The following KIAA1217 variants were observed in gnomAD, a reference collection of about 807,000 sequenced individuals.
KIAA1217 encodes sickle tail protein homolog.
KIAA1217 carries 88 observed loss-of-function variants against 163.9 expected under a neutral mutation model. The ratio of observed to expected loss-of-function variants is 0.54; its 90% CI spans 0.45 to 0.64. The LOEUF (loss-of-function observed/expected upper bound fraction) is 0.64, where lower values mean the gene tolerates loss of function less well. KIAA1217 is among the 30% of genes least tolerant of loss of function. The probability of loss-of-function intolerance (pLI) is 0.00; values close to 1 mark genes in which losing one functional copy is unlikely to be tolerated. For synonymous variants in KIAA1217, 903 were observed against 923.1 expected (o/e 0.98, Z 0.39); for missense variants, 2,372 against 2,475.0 (o/e 0.96, Z 0.88).
intron 2 of KIAA1217, among the ~76,000 whole-genome samples, chr10:24,151,950 A>G (rs1423265816): frequency 6.6e-6 from 1 of 152,056 alleles, no homozygotes; most frequent in Non-Finnish European, 1.5e-5. Flanking sequence ...CTTCCCAACC[A>G]TTTAAGTTTC....
intron 1 of KIAA1217, among the ~76,000 whole-genome samples, chr10:24,006,306 A>G (rs1014367323): frequency 2.0e-5 from 3 of 152,220 alleles, no homozygotes; most frequent in African/African-American, 7.2e-5. Flanking sequence ...TGTGTTTCTG[A>G]CATAAGTGTG....
At chr10:24,215,005 C>T (rs1408205064) in intron 1 of KIAA1217, among the ~76,000 whole-genome samples, 1 of 152,232 alleles carries the variant, frequency 6.6e-6, no homozygotes, top group Non-Finnish European at 1.5e-5. Context: ...GCCTGCCGGA[C>T]TTGCAGTGCG....
chr10:24,438,477 A>T lies in KIAA1217; in HGVS notation c.844A>T (p.Arg282Trp), dbSNP rs1438352565. 1 of 1,601,030 alleles carries T rather than the reference A, an allele frequency of 6.2e-7. No individual in the cohort carries two copies. Among genetic ancestry groups the T allele is most frequent in the Admixed American group, 1.7e-5 (1 of 60,010 alleles). ...HTPKTMNGDM[R>W]MQRELVYARG... ...ACCAAAAACTATGAATGGAGACATG[A>T]GGGTAAGTGTTTCTGTCATATTTTT... Residue 282 changes from arginine (R) to tryptophan (W), a missense_variant and splice_region_variant, in exon 5 of 21, where the codon AGG becomes TGG. Transcript: ENST00000376454.
chr10:24,063,777 G>A (rs1487241762), intron 2 of KIAA1217, among the ~76,000 whole-genome samples: 1 of 152,152 alleles, frequency 6.6e-6, no homozygotes, highest in Admixed American at 6.5e-5. Flanking sequence ...CTATGAACAT[G>A]GAATGTTCTT....
intron 2 of KIAA1217, among the ~76,000 whole-genome samples, chr10:24,081,057 G>A (rs1771711145): frequency 6.6e-6 from 1 of 152,272 alleles, no homozygotes. Context: ...AGAGTCTGAT[G>A]GAATGATTGT....
chr10:24,247,241 G>T (rs1274824559), intron 2 of KIAA1217, among the ~76,000 whole-genome samples: 1 of 150,008 alleles, frequency 6.7e-6, no homozygotes, highest in Non-Finnish European at 1.5e-5. Context: ...ATGGGGCTTT[G>T]TTGTACAGAT....
intron 2 of KIAA1217, among the ~76,000 whole-genome samples, chr10:24,358,193 A>G (rs2049376449): frequency 6.6e-6 from 1 of 152,152 alleles, no homozygotes; most frequent in African/African-American, 2.4e-5. Flanking sequence ...GAGACAGATA[A>G]GAAGTGAGCA....
intron 1 of KIAA1217, among the ~76,000 whole-genome samples, chr10:23,913,711 G>GA (rs1434174981): frequency 6.6e-6 from 1 of 152,050 alleles, no homozygotes; most frequent in African/African-American, 2.4e-5. Flanking sequence ...CCCTAAGAGA[G>GA]AAAAAACATC....
intron 3 of KIAA1217, among the ~76,000 whole-genome samples, chr10:24,432,646 G>GA (rs2059696989): frequency 6.6e-6 from 1 of 151,754 alleles, no homozygotes; most frequent in African/African-American, 2.4e-5. Context: ...AAAGAGATGG[G>GA]ATCTTGCTAC....
At chr10:23,895,192 G>A (rs1205789591) in intron 1 of KIAA1217, among the ~76,000 whole-genome samples, 1 of 152,076 alleles carries the variant, frequency 6.6e-6, no homozygotes, top group Non-Finnish European at 1.5e-5. Context: ...ACTACCATCA[G>A]AGTGAACAGG....
intron 1 of KIAA1217, among the ~76,000 whole-genome samples, chr10:23,790,818 C>G (rs183928881): frequency 6.6e-6 from 1 of 151,736 alleles, no homozygotes; most frequent in African/African-American, 2.4e-5. Flanking sequence ...ATTGCAACAT[C>G]GACCTCCTGG....
chr10:24,054,114 G>A (rs185578003), intron 2 of KIAA1217, among the ~76,000 whole-genome samples: 132 of 152,322 alleles, frequency 8.7e-4, no homozygotes, highest in African/African-American at 2.9e-3. Flanking sequence ...GTGGTTCCAC[G>A]GGGTTTAACT....
At chr10:23,884,484 T>C (rs1223686894) in intron 1 of KIAA1217, among the ~76,000 whole-genome samples, 1 of 151,976 alleles carries the variant, frequency 6.6e-6, no homozygotes, top group East Asian at 1.9e-4. Flanking sequence ...AGTCTAACGA[T>C]TGCTGACATG....
chr10:24,479,137 A>G (rs1424602675), intron 6 of KIAA1217, among the ~76,000 whole-genome samples: 1 of 152,220 alleles, frequency 6.6e-6, no homozygotes, highest in Non-Finnish European at 1.5e-5. Flanking sequence ...GGCATGGTAG[A>G]CTTAGCAGAA....
intron 8 of KIAA1217, among the ~76,000 whole-genome samples, chr10:24,500,853 C>T (rs2067482362): frequency 1.3e-5 from 2 of 152,100 alleles, no homozygotes; most frequent in Admixed American, 6.6e-5. Flanking sequence ...GAGGCAGAGG[C>T]AGGAGGATAG....
intron 1 of KIAA1217, among the ~76,000 whole-genome samples, chr10:23,984,147 C>T (rs1021429734): frequency 1.3e-5 from 2 of 152,178 alleles, no homozygotes; most frequent in African/African-American, 4.8e-5. Flanking sequence ...GCAGCTCCCA[C>T]CACACTGTTC....
intron 2 of KIAA1217, among the ~76,000 whole-genome samples, chr10:24,336,476 A>G (rs7094782): frequency 0.058 from 8,842 of 152,238 alleles, 277 homozygotes; most frequent in East Asian, 0.091. Context: ...AATGTGTGCA[A>G]ACTCCTCATC....
intron 9 of KIAA1217, among the ~76,000 whole-genome samples, chr10:24,512,408 T>C (rs1469783603): frequency 6.6e-6 from 1 of 152,198 alleles, no homozygotes; most frequent in East Asian, 1.9e-4. Context: ...ATGGAGCTGC[T>C]GTTAGAAAAT....
intron 1 of KIAA1217, among the ~76,000 whole-genome samples, chr10:23,868,433 A>T (rs147878801): frequency 6.6e-6 from 1 of 152,266 alleles, no homozygotes; most frequent in East Asian, 1.9e-4. Flanking sequence ...AAAGACAGGC[A>T]AAGAGATTTG....
Sources: gnomAD v4.1 joint callset for allele counts (sites outside exome capture counted in the v4.1 genomes callset) on GRCh38, gnomAD v4.1.1 for gene constraint, MANE v1.5 for transcripts, NCBI Gene and HGNC (gene_info 2026-07-23, HGNC 2026-07-21) for gene names.